MCTP2: variants seen among roughly 807,000 people sequenced by gnomAD.
MCTP2 encodes the protein multiple C2 and transmembrane domain-containing protein 2.
A neutral mutation model predicts 111.6 loss-of-function variants in MCTP2; 132 were observed. The observed-to-expected ratio is 1.18, with a 90% CI of 1.03 to 1.37. MCTP2 has a LOEUF of 1.37. MCTP2 is among the 40% of genes most tolerant of loss of function. MCTP2 has a pLI of 0.00. For synonymous variants in MCTP2, 395 were observed against 387.7 expected (o/e 1.02, Z -0.22); for missense variants, 1,183 against 1,067.9 (o/e 1.11, Z -1.50).
At chr15:94,251,940 A>T (rs1191219374) in intron 1 of MCTP2, among the ~76,000 whole-genome samples, 2 of 152,184 alleles carry the variant, frequency 1.3e-5, no homozygotes, top group African/African-American at 4.8e-5. Context: ...CTCAAGGTTC[A>T]TCCACGTCCT....
chr15:94,385,627 T>C (rs1437940511), intron 14 of MCTP2, 102 bp downstream of exon 14: 2 of 780,572 alleles, frequency 2.6e-6, no homozygotes, highest in African/African-American at 3.5e-5. Flanking sequence ...GGGAAAAAAA[T>C]CCTCCTAACT....
At chr15:94,382,886 T>C (rs558809052) in intron 12 of MCTP2, among the ~76,000 whole-genome samples, 29 of 152,374 alleles carry the variant, frequency 1.9e-4, no homozygotes, top group African/African-American at 6.5e-4. Context: ...CCCTGACAGT[T>C]CCAAATCCAG....
chr15:94,479,079 T>A lies in MCTP2; in HGVS notation c.*45T>A. ...CAGCAGCACCCAATATTGTGTTTGG[T>A]TGAGTAGACCAATGTTATGGCTGTT... On this transcript the variant is annotated 3_prime_UTR_variant, in exon 23 of 23. Transcript: ENST00000357742. 6 of 1,580,944 alleles carry A rather than the reference T, an allele frequency of 3.8e-6. No individual in the cohort carries two copies. The highest frequency in any genetic ancestry group is 5.2e-6 in the Non-Finnish European group (6 of 1,150,132).
intron 8 of MCTP2, among the ~76,000 whole-genome samples, chr15:94,347,949 G>A (rs1243540419): frequency 6.6e-6 from 1 of 151,408 alleles, no homozygotes; most frequent in Non-Finnish European, 1.5e-5. Flanking sequence ...CTATTATTTG[G>A]GTGTGTATAG....
chr15:94,290,875 G>A (rs774324631), intron 1 of MCTP2, among the ~76,000 whole-genome samples: 32 of 152,230 alleles, frequency 2.1e-4, no homozygotes, highest in Non-Finnish European at 3.8e-4. Flanking sequence ...ATAAATGTGT[G>A]TGCAATAACA....
chr15:94,463,061 A>T (rs2085313208), intron 20 of MCTP2, among the ~76,000 whole-genome samples: 1 of 152,184 alleles, frequency 6.6e-6, no homozygotes, highest in Non-Finnish European at 1.5e-5. Context: ...TTAGAAGGCA[A>T]ATCTGACAGG....
chr15:94,446,442 G>A (rs1184231065), intron 19 of MCTP2, among the ~76,000 whole-genome samples: 1 of 152,088 alleles, frequency 6.6e-6, no homozygotes, highest in African/African-American at 2.4e-5. Context: ...TTGTACGGAT[G>A]GATTACAATG....
intron 19 of MCTP2, among the ~76,000 whole-genome samples, chr15:94,456,148 G>A (rs2084822572): frequency 6.6e-6 from 1 of 152,166 alleles, no homozygotes; most frequent in African/African-American, 2.4e-5. Flanking sequence ...AAGTCCAGAT[G>A]ATAAGTTATT....
At chr15:94,409,241 T>C (rs2082040434) in intron 17 of MCTP2, among the ~76,000 whole-genome samples, 1 of 152,110 alleles carries the variant, frequency 6.6e-6, no homozygotes, top group Non-Finnish European at 1.5e-5. Flanking sequence ...GCCTACATCT[T>C]TCTCCCATGC....
chr15:94,299,207 A>G (rs1170223099), intron 2 of MCTP2, among the ~76,000 whole-genome samples: 1 of 151,824 alleles, frequency 6.6e-6, no homozygotes, highest in Non-Finnish European at 1.5e-5. Flanking sequence ...AAGCTATTAC[A>G]AATAACTCTT....
chr15:94,402,709 C>G, intron 17 of MCTP2: 4 of 1,449,418 alleles, frequency 2.8e-6, no homozygotes, highest in Non-Finnish European at 3.6e-6. Flanking sequence ...TGTAAAGGGA[C>G]TTGTCCTTGA....
At chr15:94,289,165 A>G (rs1041285806) in intron 1 of MCTP2, among the ~76,000 whole-genome samples, 2 of 152,208 alleles carry the variant, frequency 1.3e-5, no homozygotes, top group African/African-American at 4.8e-5. Context: ...AATAGGATGA[A>G]TCCAAATAAA....
At position 94,379,627 on chromosome 15, in the gene MCTP2, C is replaced by A. The variant is rs1046666749; in HGVS notation, c.1583-4395C>A. Among the ~76,000 whole-genome samples the A allele has an allele frequency of 2.6e-5, 4 of 151,258 alleles. No individual in the cohort carries two copies. The East Asian group carries it at 7.7e-4, about 29-fold the overall frequency. ...ATGGTCTTCAAGCCAATCTTAGTAC[C>A]TATCCACCTGTATCTTACATTACCT... is the stretch of plus-strand genomic sequence containing the variant. On this transcript the variant is annotated intron_variant, in intron 12 of 22. Transcript: ENST00000357742.
chr15:94,246,468 G>A (rs2072017272), intron 1 of MCTP2, among the ~76,000 whole-genome samples: 1 of 152,190 alleles, frequency 6.6e-6, no homozygotes. Context: ...TTAAGGAGTA[G>A]CTGCAGTGGC....
At chr15:94,407,500 G>C (rs1054682358) in intron 17 of MCTP2, among the ~76,000 whole-genome samples, 1 of 151,938 alleles carries the variant, frequency 6.6e-6, no homozygotes, top group African/African-American at 2.4e-5. Context: ...ACTTTTTTCC[G>C]ATTTTTTGAG....
intron 8 of MCTP2, among the ~76,000 whole-genome samples, chr15:94,350,933 A>G (rs1234772452): frequency 6.6e-6 from 1 of 152,132 alleles, no homozygotes. Context: ...CGCTGGTCCT[A>G]AAATCTGAGA....
chr15:94,369,995 A>G lies in MCTP2; in HGVS notation c.1489-92A>G, dbSNP rs556913599. On this transcript the variant is annotated intron_variant, in intron 11 of 22. Coordinates refer to ENST00000357742, the MANE Select transcript of MCTP2 (RefSeq NM_001385001.1). ...TAAAGATTTCATGAGAAAAAGGAAG[A>G]TAAATCTAGGATGCACTTCCTATAG... The G allele has an allele frequency of 4.1e-5, 28 of 683,462 alleles. No individual in the cohort carries two copies. In the African/African-American group the frequency reaches 4.8e-4, roughly 12 times the overall value. 42.3% of individuals were successfully genotyped at this position (683,462 alleles called of 1,614,324 possible).
At chr15:94,297,799 C>T (rs1380501594) in intron 1 of MCTP2, among the ~76,000 whole-genome samples, 7 of 152,100 alleles carry the variant, frequency 4.6e-5, no homozygotes, top group Non-Finnish European at 7.4e-5. Flanking sequence ...TGTTGACCTC[C>T]GGTTTAGAGA....
At chr15:94,275,035 T>C (rs1322062652) in intron 1 of MCTP2, among the ~76,000 whole-genome samples, 1 of 152,198 alleles carries the variant, frequency 6.6e-6, no homozygotes, top group Non-Finnish European at 1.5e-5. Flanking sequence ...GTATAGTTTC[T>C]CACATTAACA....
Sources: allele counts gnomAD v4.1 joint callset (sites outside exome capture counted in the v4.1 genomes callset), GRCh38; gene constraint gnomAD v4.1.1; transcripts MANE v1.5; gene names NCBI Gene and HGNC (gene_info 2026-07-23, HGNC 2026-07-21).